Variants in RBM47 observed in about 807,000 individuals in gnomAD.
The protein encoded by RBM47 is RNA-binding protein 47.
RBM47 carries 21 observed loss-of-function variants against 47.1 expected under a neutral mutation model. The observed-to-expected ratio is 0.45, with a 90% confidence interval of 0.32 to 0.64. The LOEUF is 0.64. RBM47 is among the 30% of genes least tolerant of loss of function. RBM47 has a pLI of 0.05. For missense variants in RBM47, 708 were observed against 870.9 expected (o/e 0.81, Z 2.35); for synonymous variants, 375 against 361.7 (o/e 1.04, Z -0.42).
At chr4:40,621,146 G>T (rs1042191219) in intron 1 of RBM47, among the ~76,000 whole-genome samples, 1 of 151,984 alleles carries the variant, frequency 6.6e-6, no homozygotes, top group Non-Finnish European at 1.5e-5. Flanking sequence ...TTACTGCAAA[G>T]AACCTTCCTG....
At chr4:40,511,986 C>T (rs966636905) in intron 2 of RBM47, among the ~76,000 whole-genome samples, 2 of 151,212 alleles carry the variant, frequency 1.3e-5, no homozygotes, top group African/African-American at 4.9e-5. Context: ...AAGATTGTAC[C>T]GAATATGGAT....
intron 1 of RBM47, among the ~76,000 whole-genome samples, chr4:40,610,472 C>T (rs544158478): frequency 6.6e-6 from 1 of 151,640 alleles, no homozygotes; most frequent in East Asian, 2.0e-4. Context: ...TAGCCAGGCT[C>T]GGTGGCGGGT....
At chr4:40,527,582 C>T (rs62302050) in intron 2 of RBM47, among the ~76,000 whole-genome samples, 22,885 of 150,532 alleles carry the variant, frequency 0.15, 1,901 homozygotes, top group Middle Eastern at 0.28. Flanking sequence ...TGAGACACTG[C>T]GCCCGGACTA....
chr4:40,531,285 T>C (rs1335595519), intron 2 of RBM47, among the ~76,000 whole-genome samples: 9 of 151,934 alleles, frequency 5.9e-5, no homozygotes, highest in Admixed American at 5.3e-4. Flanking sequence ...GGCCACAGAC[T>C]AGCTGAGCTT....
At chr4:40,535,607 C>G (rs1205278856) in intron 2 of RBM47, among the ~76,000 whole-genome samples, 1 of 151,728 alleles carries the variant, frequency 6.6e-6, no homozygotes, top group Non-Finnish European at 1.5e-5. Context: ...GTCGCCCAGG[C>G]TGGAGTGCAG....
rs548942906 is a variant in RBM47 at position 40,436,688 on chromosome 4, G to A, written c.1124-41C>T. 2.1e-5 allele frequency: 34 copies of A among 1,590,626 alleles called. 1 individual carries two copies. The African/African-American group carries it at 3.0e-4, about 14-fold the overall frequency. ...CAAAAGATGATCAGCAACCAACAGTGACGGTGCTGGAGGCAGACCTCAGCC... is the reference window on the plus strand; with the variant it reads ...CAAAAGATGATCAGCAACCAACAGTAACGGTGCTGGAGGCAGACCTCAGCC... On this transcript the variant is annotated intron_variant, in intron 4 of 6. Coordinates refer to ENST00000295971, the MANE Select transcript of RBM47 (RefSeq NM_001098634.2).
intron 1 of RBM47, among the ~76,000 whole-genome samples, chr4:40,592,973 ATATATATTTTTTTTTTTTTTTTT>A (rs1372954574): frequency 2.2e-4 from 4 of 17,980 alleles, no homozygotes; most frequent in African/African-American, 1.0e-3. Context: ...ATATATATAT[ATATATATTTTTTTTTTTTTTTTT>A]TTTTTTTTTT....
In RBM47 at chr4:40,426,572, CTA is replaced by C. The variant is rs1397483410; in HGVS notation, c.1543-431_1543-430del. 2.6e-5 allele frequency among the ~76,000 whole-genome samples: 4 copies of C among 152,050 alleles called. No individual in the cohort carries two copies. The East Asian group carries it at 7.7e-4, about 29-fold the overall frequency. On this transcript the variant is annotated intron_variant, in intron 6 of 6. Coordinates refer to ENST00000295971, the MANE Select transcript of RBM47 (RefSeq NM_001098634.2). ...TTTTTTTCATAGAGACAAGGTCTCACTATGTTGCCCAGGGCTGGTCTTGAACT... is the reference window on the plus strand; with the variant it reads ...TTTTTTTCATAGAGACAAGGTCTCACTGTTGCCCAGGGCTGGTCTTGAACT...
intron 1 of RBM47, among the ~76,000 whole-genome samples, chr4:40,547,179 G>A (rs1201796725): frequency 6.6e-6 from 1 of 152,170 alleles, no homozygotes; most frequent in Non-Finnish European, 1.5e-5. Context: ...GAGAGTTCAT[G>A]TCTCTTCCTG....
intron 2 of RBM47, among the ~76,000 whole-genome samples, chr4:40,485,554 G>A (rs1720956580): frequency 1.3e-5 from 2 of 152,082 alleles, no homozygotes; most frequent in Non-Finnish European, 2.9e-5. Context: ...ACATGGTGAT[G>A]GAGCAGCTTA....
intron 2 of RBM47, among the ~76,000 whole-genome samples, chr4:40,518,649 T>C (rs1422724841): frequency 6.6e-6 from 1 of 152,130 alleles, no homozygotes; most frequent in African/African-American, 2.4e-5. Flanking sequence ...TCTCTTTGCC[T>C]GAGTCACACT....
intron 6 of RBM47, among the ~76,000 whole-genome samples, chr4:40,429,963 G>A (rs1390042370): frequency 6.6e-6 from 1 of 152,040 alleles, no homozygotes; most frequent in African/African-American, 2.4e-5. Context: ...GGGAGGCTGA[G>A]GAGGGCGGAT....
intron 2 of RBM47, among the ~76,000 whole-genome samples, chr4:40,505,640 C>T (rs1429609437): frequency 3.3e-5 from 5 of 151,802 alleles, no homozygotes; most frequent in African/African-American, 4.8e-5. Flanking sequence ...GTAATCCCAG[C>T]ACTTTGGGAG....
At chr4:40,475,953 C>T (rs16852242) in intron 2 of RBM47, among the ~76,000 whole-genome samples, 5,954 of 152,182 alleles carry the variant, frequency 0.039, 392 homozygotes, top group African/African-American at 0.13. Context: ...CAACCTGAAA[C>T]GGAATGGAAA....
intron 1 of RBM47, among the ~76,000 whole-genome samples, chr4:40,561,975 G>C (rs570987751): frequency 6.6e-6 from 1 of 152,184 alleles, no homozygotes; most frequent in East Asian, 1.9e-4. Context: ...TCCCCTCAAT[G>C]ACTCAATGAC....
chr4:40,466,745 A>G (rs952352440), intron 2 of RBM47, 46 bp from the exon 3 acceptor site: 1 of 118,356 alleles, frequency 8.4e-6, no homozygotes. Flanking sequence ...CTATTTCAAC[A>G]TGATTTTCAT....
Position 40,616,439 on chromosome 4 carries a change from A to T in RBM47, c.-240+12957T>A, listed in dbSNP as rs865848449. On this transcript the variant is annotated intron_variant, in intron 1 of 6. Coordinates refer to ENST00000295971, the MANE Select transcript of RBM47 (RefSeq NM_001098634.2). ...ATTTTATTCCTATGAGTTTGCAAGT[A>T]TATGCGCAATCATTTTTTTTAGAAT... is the stretch of plus-strand genomic sequence containing the variant. 1.1e-4 allele frequency among the ~76,000 whole-genome samples: 17 copies of T among 151,940 alleles called. No homozygotes were observed. In the South Asian group the frequency reaches 1.5e-3, roughly 13 times the overall value.
chr4:40,480,010 T>G (rs1226800653), intron 2 of RBM47, among the ~76,000 whole-genome samples: 1 of 148,548 alleles, frequency 6.7e-6, no homozygotes, highest in Non-Finnish European at 1.5e-5. Flanking sequence ...GGAGTCTTAT[T>G]CTTGTTGCCC....
intron 3 of RBM47, among the ~76,000 whole-genome samples, chr4:40,441,909 G>T (rs1012549653): frequency 2.0e-5 from 3 of 152,120 alleles, no homozygotes; most frequent in African/African-American, 7.2e-5. Flanking sequence ...CTTCACCTAT[G>T]CTATCATCTT....
Sources: allele counts gnomAD v4.1 joint callset (sites outside exome capture counted in the v4.1 genomes callset), GRCh38; gene constraint gnomAD v4.1.1; transcripts MANE v1.5; gene names NCBI Gene and HGNC (gene_info 2026-07-23, HGNC 2026-07-21).